Variants in LYPD6 observed in about 807,000 individuals in gnomAD.
The protein encoded by LYPD6 is LY6/PLAUR domain containing 6.
A neutral mutation model predicts 22.7 loss-of-function variants in LYPD6; 15 were observed. The ratio of observed to expected loss-of-function variants is 0.66; its 90% CI spans 0.44 to 1.02. The LOEUF is 1.02. LYPD6 is among the 50% of genes least tolerant of loss of function. LYPD6 has a pLI of 0.00. For synonymous variants in LYPD6, 72 were observed against 77.5 expected, an observed-to-expected ratio of 0.93 and a Z score of 0.37; for missense variants, 189 against 208.4, an observed-to-expected ratio of 0.91 and a Z score of 0.57.
At chr2:149,423,453 A>G (rs1216589374) in intron 1 of LYPD6, among the ~76,000 whole-genome samples, 1 of 152,136 alleles carries the variant, frequency 6.6e-6, no homozygotes, top group Non-Finnish European at 1.5e-5. Context: ...CACCCTGTAC[A>G]TTGCAAAATG....
intron 1 of LYPD6, among the ~76,000 whole-genome samples, chr2:149,372,790 T>C (rs1156842323): frequency 6.6e-6 from 1 of 152,192 alleles, no homozygotes; most frequent in Non-Finnish European, 1.5e-5. Context: ...ATGCTGGAAG[T>C]GTTTATAACT....
intron 1 of LYPD6, among the ~76,000 whole-genome samples, chr2:149,385,652 TAACA>T (rs1033985985): frequency 6.6e-6 from 1 of 152,358 alleles, no homozygotes; most frequent in South Asian, 2.1e-4. Flanking sequence ...TTCCCATGAT[TAACA>T]AACAGAGTAA....
chr2:149,393,878 A>G (rs1682369174), intron 1 of LYPD6, among the ~76,000 whole-genome samples: 1 of 152,180 alleles, frequency 6.6e-6, no homozygotes, highest in Admixed American at 6.5e-5. Context: ...ACTGACTGCC[A>G]AAAAGATAGG....
At chr2:149,385,101 C>T (rs1400620101) in intron 1 of LYPD6, among the ~76,000 whole-genome samples, 1 of 152,124 alleles carries the variant, frequency 6.6e-6, no homozygotes, top group African/African-American at 2.4e-5. Context: ...TTCATTTCCT[C>T]TCCTTTCATT....
At chr2:149,405,325 G>A (rs1466789955) in intron 1 of LYPD6, among the ~76,000 whole-genome samples, 3 of 152,106 alleles carry the variant, frequency 2.0e-5, no homozygotes, top group African/African-American at 4.8e-5. Context: ...GTTCCTCCTT[G>A]TACCTCTGGT....
At chr2:149,403,230 C>T (rs1682603721) in intron 1 of LYPD6, among the ~76,000 whole-genome samples, 1 of 151,882 alleles carries the variant, frequency 6.6e-6, no homozygotes, top group Non-Finnish European at 1.5e-5. Context: ...ATTTGTAGTC[C>T]TTTGGGTATA....
At chr2:149,481,900 TAA>T in the LYPD6 span, among the ~76,000 whole-genome samples, 8 of 152,204 alleles carry the variant, frequency 5.3e-5, no homozygotes, top group Non-Finnish European at 1.2e-4. Context: ...CTATATATGT[TAA>T]GTTTGTGGTT....
chr2:149,405,345 C>T (rs1476234995), intron 1 of LYPD6, among the ~76,000 whole-genome samples: 1 of 152,110 alleles, frequency 6.6e-6, no homozygotes, highest in Non-Finnish European at 1.5e-5. Flanking sequence ...TAGAATTTGG[C>T]TGTGAATCCA....
intron 1 of LYPD6, among the ~76,000 whole-genome samples, chr2:149,365,731 T>C (rs1681648848): frequency 1.3e-5 from 2 of 152,226 alleles, no homozygotes; most frequent in South Asian, 4.1e-4. Flanking sequence ...ACACTTGATC[T>C]TAGCCAAAAG....
chr2:149,408,268 G>A (rs951759393), intron 1 of LYPD6, among the ~76,000 whole-genome samples: 13 of 152,174 alleles, frequency 8.5e-5, no homozygotes, highest in Non-Finnish European at 1.9e-4. Flanking sequence ...CCTCAAAGCT[G>A]TCAGACAGGG....
chr2:149,346,044 T>C (rs1464645929), intron 1 of LYPD6, among the ~76,000 whole-genome samples: 1 of 152,200 alleles, frequency 6.6e-6, no homozygotes, highest in African/African-American at 2.4e-5. Context: ...CAAGTAGATA[T>C]TTGATGAGCA....
downstream of LYPD6, among the ~76,000 whole-genome samples, chr2:149,477,435 CA>C (rs1303869367): frequency 1.3e-5 from 2 of 151,942 alleles, no homozygotes; most frequent in Admixed American, 1.3e-4. Context: ...CCAGCCTGGC[CA>C]ACGTGGTGAA....
chr2:149,427,631 A>G (rs998596941), intron 1 of LYPD6, among the ~76,000 whole-genome samples: 2 of 152,258 alleles, frequency 1.3e-5, no homozygotes, highest in African/African-American at 4.8e-5. Context: ...ATGCATATGC[A>G]TAATGACCGC....
chr2:149,450,444 C>A (rs868766366), intron 3 of LYPD6, among the ~76,000 whole-genome samples: 1 of 152,112 alleles, frequency 6.6e-6, no homozygotes, highest in Admixed American at 6.6e-5. Context: ...GGGTAAGAAC[C>A]ACAGGGAGCT....
At chr2:149,358,711 T>C (rs935982554) in intron 1 of LYPD6, among the ~76,000 whole-genome samples, 2 of 152,134 alleles carry the variant, frequency 1.3e-5, no homozygotes, top group Admixed American at 6.5e-5. Context: ...AATTTTATTC[T>C]AGATATTAGT....
Position 149,471,989 on chromosome 2 carries a change from GTT to G in LYPD6, c.*1143_*1144del, listed in dbSNP as rs1160568189. On this transcript the variant is annotated 3_prime_UTR_variant, in exon 5 of 5. Transcript: ENST00000334166. Reference sequence around the variant, plus strand: ...GACTAACAAGGAGACTCAATGGGAAGTTTTTCTTTCTTTTAGATATTGCTTTT... The same window carrying G: ...GACTAACAAGGAGACTCAATGGGAAGTTTCTTTCTTTTAGATATTGCTTTT... 2 of 152,562 alleles carry G rather than the reference GTT, an allele frequency of 1.3e-5. No individual in the cohort carries two copies. The highest frequency in any genetic ancestry group is 3.9e-4 in the East Asian group (2 of 5,194). The allele number at this position is 152,562 out of a possible 1,614,324, so 9.5% of individuals were successfully genotyped here.
At chr2:149,451,088 T>G (rs1683795759) in intron 3 of LYPD6, among the ~76,000 whole-genome samples, 1 of 152,110 alleles carries the variant, frequency 6.6e-6, no homozygotes, top group Non-Finnish European at 1.5e-5. Context: ...ATATAAACAA[T>G]AGAAGTTATT....
At chr2:149,383,066 G>C (rs182289020) in intron 1 of LYPD6, among the ~76,000 whole-genome samples, 108 of 152,118 alleles carry the variant, frequency 7.1e-4, no homozygotes, top group African/African-American at 2.6e-3. Flanking sequence ...AATATATATT[G>C]CATAAAATTT....
intron 1 of LYPD6, among the ~76,000 whole-genome samples, chr2:149,346,484 C>G (rs1681258184): frequency 6.6e-6 from 1 of 152,078 alleles, no homozygotes; most frequent in Non-Finnish European, 1.5e-5. Context: ...CAGCATTTCC[C>G]CTCGGGAATG....
Sources: gnomAD v4.1 joint callset for allele counts (sites outside exome capture counted in the v4.1 genomes callset) on GRCh38, gnomAD v4.1.1 for gene constraint, MANE v1.5 for transcripts, NCBI Gene and HGNC (gene_info 2026-07-23, HGNC 2026-07-21) for gene names.